SNX13: variants seen among roughly 807,000 people sequenced by gnomAD.
SNX13 encodes the protein sorting nexin-13.
A neutral mutation model predicts 133.6 loss-of-function variants in SNX13; 45 were observed. That is an observed-to-expected ratio of 0.34 (90% confidence interval 0.27 to 0.43). The LOEUF (loss-of-function observed/expected upper bound fraction) is 0.43, where lower values mean the gene tolerates loss of function less well. Among genes scored for constraint, SNX13 ranks in the 20% least tolerant of loss-of-function variants. The pLI, the probability that SNX13 is intolerant of heterozygous loss-of-function variation, is 1.00. For missense variants in SNX13, 1,032 were observed against 1,145.1 expected (o/e 0.90, Z 1.43); for synonymous variants, 414 against 373.9 (o/e 1.11, Z -1.24).
intron 16 of SNX13, among the ~76,000 whole-genome samples, chr7:17,829,583 G>A (rs1372283034): frequency 6.6e-6 from 1 of 151,112 alleles, no homozygotes; most frequent in African/African-American, 2.4e-5. Flanking sequence ...ATTCGGTTTT[G>A]GTTATCCCCA....
chr7:17,825,837 G>C lies in SNX13; in HGVS notation c.1705+185C>G, dbSNP rs888180585. Among the ~76,000 whole-genome samples, 20 of 152,036 alleles carry C rather than the reference G, an allele frequency of 1.3e-4. 1 individual carries two copies. The highest frequency in any genetic ancestry group is 5.9e-4 in the Admixed American group (9 of 15,256). On this transcript the variant is annotated intron_variant, in intron 17 of 25. Coordinates refer to ENST00000428135, the MANE Select transcript of SNX13 (RefSeq NM_015132.5). ...TCAAATGTTGATAGTGACAATCTTA[G>C]AGAGATCAAATACATAAGCAAATAA...
chr7:17,810,061 T>G (rs910097286), intron 20 of SNX13, among the ~76,000 whole-genome samples: 1 of 150,818 alleles, frequency 6.6e-6, no homozygotes, highest in African/African-American at 2.4e-5. Flanking sequence ...TTAAAAAAAC[T>G]AGAGAAGCAA....
At chr7:17,898,539 A>T (rs1263507762) in intron 1 of SNX13, among the ~76,000 whole-genome samples, 2 of 152,222 alleles carry the variant, frequency 1.3e-5, no homozygotes, top group African/African-American at 4.8e-5. Context: ...ATACCCCCAT[A>T]AATCTACATT....
In SNX13 at chr7:17,875,577, T is replaced by A. The variant is rs1270338038; in HGVS notation, c.567A>T (p.Thr189=). 1 of 1,611,178 alleles carries A rather than the reference T, an allele frequency of 6.2e-7. No homozygotes were observed. The change falls in exon 7 of 26, where the codon ACA becomes ACT. Residue 189 remains threonine, a synonymous_variant. Coordinates refer to ENST00000428135, the MANE Select transcript of SNX13 (RefSeq NM_015132.5). ...ITEKDDQVKG[T]AEDLVDTFFE... Reference sequence around the variant, plus strand: ...AGAAGGTATCTACAAGATCTTCTGCTGTACCTAAAGAAAAACAATTCAAGA... The same window carrying A: ...AGAAGGTATCTACAAGATCTTCTGCAGTACCTAAAGAAAAACAATTCAAGA...
chr7:17,911,289 TGTGAAGTA>T (rs980638562), intron 1 of SNX13, among the ~76,000 whole-genome samples: 2 of 152,150 alleles, frequency 1.3e-5, no homozygotes, highest in African/African-American at 4.8e-5. Flanking sequence ...AAAAACAAAG[TGTGAAGTA>T]GTACTTAACG....
chr7:17,899,175 G>A (rs1020245316), intron 1 of SNX13: 1 of 152,160 alleles, frequency 6.6e-6, no homozygotes, highest in African/African-American at 2.4e-5. Flanking sequence ...TGAGAAGTCT[G>A]CTGGCAAATG....
At chr7:17,825,908 A>G (rs1394669663) in intron 17 of SNX13, 114 bp downstream of exon 17, 1 of 669,536 alleles carries the variant, frequency 1.5e-6, no homozygotes, top group East Asian at 2.8e-5. Flanking sequence ...AAAAAGTAAC[A>G]AAACTATGAC....
intron 15 of SNX13, among the ~76,000 whole-genome samples, chr7:17,833,731 T>C (rs148552772): frequency 2.3e-3 from 353 of 151,776 alleles, no homozygotes; most frequent in African/African-American, 8.1e-3. Flanking sequence ...TCTCAATAAT[T>C]CTATTGTTAA....
At chr7:17,884,775 G>A (rs148359740) in intron 5 of SNX13, among the ~76,000 whole-genome samples, 3 of 152,238 alleles carry the variant, frequency 2.0e-5, no homozygotes, top group Admixed American at 6.5e-5. Flanking sequence ...AAAGATGCTC[G>A]ATATCACTAG....
chr7:17,878,010 T>C (rs1794922299), intron 5 of SNX13, among the ~76,000 whole-genome samples: 1 of 152,072 alleles, frequency 6.6e-6, no homozygotes, highest in South Asian at 2.1e-4. Flanking sequence ...AATTGGAAAA[T>C]ACTTTGATGA....
chr7:17,875,515 CG>C lies in SNX13; in HGVS notation c.628del (p.Arg210ValfsTer3). Reference protein sequence around the residue: ...VEVEMEKEVCRDLVCTSPKDE... With the variant: ...VEVEMEKEVCXDLVCTSPKDE... ...TTTGGGGGAAGTGCACACTAGATCA[CG>C]GCAAACCTCCTTCTCCATTTCAACT... On this transcript the variant is annotated frameshift_variant, in exon 7 of 26. Transcript: ENST00000428135. LOFTEE classifies it high-confidence loss of function. The C allele has an allele frequency of 6.2e-7, 1 of 1,609,580 alleles. No individual in the cohort carries two copies. The highest frequency in any genetic ancestry group is 8.5e-7 in the Non-Finnish European group (1 of 1,179,092).
At chr7:17,899,378 T>C (rs905598409) in intron 1 of SNX13, 2 of 152,136 alleles carry the variant, frequency 1.3e-5, no homozygotes, top group Non-Finnish European at 2.9e-5. Flanking sequence ...TCTCTGTTAT[T>C]ATCTATCTGA....
intron 15 of SNX13, chr7:17,830,607 T>A: frequency 1.0e-5 from 10 of 984,116 alleles, no homozygotes; most frequent in Non-Finnish European, 1.1e-5. Context: ...TAAAACTGCA[T>A]ATGCAATTCC....
chr7:17,926,199 T>C (rs1300841043), intron 1 of SNX13, among the ~76,000 whole-genome samples: 2 of 152,130 alleles, frequency 1.3e-5, no homozygotes, highest in Non-Finnish European at 2.9e-5. Context: ...TTAACAAATC[T>C]AGGTAACTGT....
chr7:17,873,499 G>A (rs1410508933), intron 8 of SNX13, 29 bp downstream of exon 8: 1 of 1,449,424 alleles, frequency 6.9e-7, no homozygotes, highest in Admixed American at 2.8e-5. Flanking sequence ...TTTTTTTGCA[G>A]GTATGATATG....
In SNX13 at chr7:17,872,971, A is replaced by G. The variant is rs1336387341; in HGVS notation, c.753+557T>C. Among the ~76,000 whole-genome samples, 9 of 152,328 alleles carry G rather than the reference A, an allele frequency of 5.9e-5. No homozygotes were observed. The East Asian group carries it at 1.2e-3, about 20-fold the overall frequency. ...ATTCTCATCTGACATTAATTTTCCA[A>G]TTGCTAAAAAACATAATCTTAACTG... On this transcript the variant is annotated intron_variant, in intron 8 of 25. Transcript: ENST00000428135.
At chr7:17,797,108 G>A (rs1272554371) in intron 24 of SNX13, among the ~76,000 whole-genome samples, 169 bp from the exon 25 acceptor site, 1 of 151,706 alleles carries the variant, frequency 6.6e-6, no homozygotes, top group Non-Finnish European at 1.5e-5. Flanking sequence ...ACTAAGTGTA[G>A]GGTTCAATTT....
intron 5 of SNX13, chr7:17,882,893 G>C: frequency 8.0e-7 from 1 of 1,257,326 alleles, no homozygotes; most frequent in Non-Finnish European, 1.0e-6. Context: ...GGAGGTTGCA[G>C]TGAGCCGAGA....
chr7:17,871,518 T>A (rs911928626), intron 8 of SNX13, among the ~76,000 whole-genome samples: 4 of 152,162 alleles, frequency 2.6e-5, no homozygotes, highest in African/African-American at 9.7e-5. Context: ...TTAGCAAGAA[T>A]TCTATCAAGT....
Sources: gnomAD v4.1 joint callset for allele counts (sites outside exome capture counted in the v4.1 genomes callset) on GRCh38, gnomAD v4.1.1 for gene constraint, MANE v1.5 for transcripts, NCBI Gene and HGNC (gene_info 2026-07-23, HGNC 2026-07-21) for gene names.